Variants in API5 observed in about 807,000 individuals in gnomAD.
API5 encodes the protein FIF.
API5 carries 6 observed loss-of-function variants against 71.9 expected under a neutral mutation model. The ratio of observed to expected loss-of-function variants is 0.08; its 90% CI spans 0.05 to 0.16. API5 has a LOEUF of 0.16. Ranked by LOEUF, API5 falls within the 10% of genes least tolerant of loss-of-function variation. The pLI, the probability that API5 is intolerant of heterozygous loss-of-function variation, is 1.00. For missense variants in API5, 332 were observed against 612.8 expected, an observed-to-expected ratio of 0.54 and a Z score of 4.84; for synonymous variants, 189 against 221.3, an observed-to-expected ratio of 0.85 and a Z score of 1.30.
intron 1 of API5, among the ~76,000 whole-genome samples, chr11:43,313,954 T>C (rs1021503047): frequency 5.9e-5 from 9 of 152,106 alleles, no homozygotes; most frequent in Non-Finnish European, 7.4e-5. Flanking sequence ...CCAGGCGTGG[T>C]GGCATGCGCC....
rs941942037 is a variant in API5, at chr11:43,344,391, T to C, written c.*1881T>C. The C allele has an allele frequency of 1.3e-5, 2 of 152,658 alleles. No individual in the cohort carries two copies. The highest frequency in any genetic ancestry group is 4.8e-5 in the African/African-American group (2 of 41,458). 9.5% of individuals were successfully genotyped at this position (152,658 alleles called of 1,614,324 possible). A position where few individuals can be genotyped will look rare whatever the true frequency, so the allele number is the denominator to read the frequency against. ...CTTTCCTAAGGCAATAGTGCACAACTTAGGTTATTTTTGCTTCCGAATTTG... is the reference window on the plus strand; with the variant it reads ...CTTTCCTAAGGCAATAGTGCACAACCTAGGTTATTTTTGCTTCCGAATTTG... On this transcript the variant is annotated 3_prime_UTR_variant, in exon 14 of 14. Transcript: ENST00000531273.
intron 9 of API5, among the ~76,000 whole-genome samples, chr11:43,329,569 G>T (rs1385860994): frequency 2.0e-5 from 3 of 152,194 alleles, no homozygotes; most frequent in African/African-American, 7.2e-5. Flanking sequence ...ACAGCTTTTA[G>T]CATGGTGCCT....
In API5 at chr11:43,318,993, G is replaced by A. The variant is rs1590351774; in HGVS notation, c.231+192G>A. The A allele has an allele frequency of 6.1e-6, 3 of 490,844 alleles. No individual in the cohort carries two copies. In the East Asian group the frequency reaches 9.6e-5, roughly 16 times the overall value. The allele number at this position is 490,844 out of a possible 1,614,324, so 30.4% of individuals were successfully genotyped here. On this transcript the variant is annotated intron_variant, in intron 2 of 13. Coordinates refer to ENST00000531273, the MANE Select transcript of API5 (RefSeq NM_001142930.2). The stretch of plus-strand genomic sequence containing the variant: ...GCCTTTTTCAACACCTTTAAATTAT[G>A]AAAAATGCATAGAATCTCAAAATAC...
intron 4 of API5, 76 bp from the exon 5 acceptor site, chr11:43,321,909 T>C (rs181720805): frequency 8.3e-5 from 115 of 1,388,946 alleles, no homozygotes; most frequent in Admixed American, 1.4e-4. Context: ...GAAGAAATAC[T>C]ATAAATTGAG....
intron 1 of API5, among the ~76,000 whole-genome samples, chr11:43,317,836 C>T (rs1477304369): frequency 1.3e-5 from 2 of 151,936 alleles, no homozygotes; most frequent in African/African-American, 4.8e-5. Flanking sequence ...TGCCACCACA[C>T]CCAGTTAATT....
At chr11:43,330,417 A>G in intron 10 of API5, 91 bp from the exon 11 acceptor site, 1 of 928,826 alleles carries the variant, frequency 1.1e-6, no homozygotes, top group South Asian at 1.4e-5. Context: ...TGATTCTGAT[A>G]GAAGTGTAAT....
intron 11 of API5, among the ~76,000 whole-genome samples, chr11:43,333,727 A>C (rs183051730): frequency 1.3e-4 from 20 of 152,154 alleles, no homozygotes; most frequent in African/African-American, 4.6e-4. Context: ...AGTGGTCTCT[A>C]TCTCCCTCAT....
At chr11:43,342,061 C>T (rs1326780314) in intron 13 of API5, among the ~76,000 whole-genome samples, 1 of 152,056 alleles carries the variant, frequency 6.6e-6, no homozygotes, top group African/African-American at 2.4e-5. Context: ...AGAAAGATCA[C>T]TCTAGTCCAG....
At chr11:43,338,105 A>T (rs1404584454) in intron 13 of API5, among the ~76,000 whole-genome samples, 1 of 152,216 alleles carries the variant, frequency 6.6e-6, no homozygotes, top group Non-Finnish European at 1.5e-5. Context: ...GCAAAAGCAA[A>T]CTAAAATCTG....
intron 13 of API5, among the ~76,000 whole-genome samples, chr11:43,337,655 A>G (rs1159079278): frequency 6.6e-6 from 1 of 152,214 alleles, no homozygotes; most frequent in Admixed American, 6.5e-5. Context: ...GTAAGGGGAA[A>G]GGATTCTCCG....
At position 43,312,030 on chromosome 11, in the gene API5, G is replaced by GT; in HGVS notation, c.-97dup. Reference sequence around the variant, plus strand: ...GGCTGCACTGGCGGCAGCTGGAGGTGTAATAGTGCGGGTAGTGGGTTTGGA... The same window carrying GT: ...GGCTGCACTGGCGGCAGCTGGAGGTGTTAATAGTGCGGGTAGTGGGTTTGGA... On this transcript the variant is annotated 5_prime_UTR_variant, in exon 1 of 14. Coordinates refer to ENST00000531273, the MANE Select transcript of API5 (RefSeq NM_001142930.2). The GT allele has an allele frequency of 1.5e-6, 2 of 1,372,026 alleles. No homozygotes were observed. Among genetic ancestry groups the GT allele is most frequent in the African/African-American group, 1.4e-5 (1 of 70,146 alleles). 85.0% of individuals were successfully genotyped at this position (1,372,026 alleles called of 1,614,324 possible).
intron 1 of API5, among the ~76,000 whole-genome samples, chr11:43,313,617 G>A (rs1854568888): frequency 6.6e-6 from 1 of 151,850 alleles, no homozygotes; most frequent in South Asian, 2.1e-4. Context: ...GAGATTTATT[G>A]TAGCTTAATC....
chr11:43,320,721 A>T (rs1854850296), intron 2 of API5, 100 bp from the exon 3 acceptor site: 5 of 1,039,756 alleles, frequency 4.8e-6, no homozygotes, highest in Non-Finnish European at 7.2e-6. Flanking sequence ...ACAGAGCAAT[A>T]CCTTGTCTTT....
chr11:43,337,238 G>A (rs949629435), intron 13 of API5, among the ~76,000 whole-genome samples: 49 of 152,060 alleles, frequency 3.2e-4, no homozygotes, highest in African/African-American at 1.1e-3. Context: ...GAGGCAGGAG[G>A]ATTGCTGAAG....
Position 43,312,088 on chromosome 11 carries a change from A to G in API5, c.-40A>G, listed in dbSNP as rs1388250341. ...CGAGGCGGCGGTGGCGCCGGTCAGG[A>G]CAAGGATAGCGGAACCGGGCCCTGG... On this transcript the variant is annotated 5_prime_UTR_variant, in exon 1 of 14. Transcript: ENST00000531273. The G allele has an allele frequency of 1.9e-6, 3 of 1,610,972 alleles. No individual in the cohort carries two copies. The highest frequency in any genetic ancestry group is 2.2e-5 in the East Asian group (1 of 44,846).
intron 3 of API5, among the ~76,000 whole-genome samples, chr11:43,321,160 T>G (rs1370413246): frequency 6.6e-6 from 1 of 152,216 alleles, no homozygotes; most frequent in South Asian, 2.1e-4. Flanking sequence ...CATTTTGATA[T>G]ATCATAATTT....
rs564738470 is a variant in API5, at chr11:43,335,883, A to C, written c.1381A>C (p.Thr461Pro). 1.2e-6 allele frequency: 2 copies of C among 1,612,298 alleles called. No homozygotes were observed. The highest frequency in any genetic ancestry group is 1.3e-5 in the African/African-American group (1 of 74,968). Residue 461 changes from threonine to proline, a missense_variant, in exon 13 of 14, where the codon ACT becomes CCT. Transcript: ENST00000531273. The stretch of plus-strand genomic sequence containing the variant: ...GCAAAAGAGAGCCAGTGAAGATACA[A>C]CTTCAGGTTCACCACCCAAGAAATC... ...IGQKRASEDT[T>P]SGSPPKKSSA... is the part of the protein sequence containing the mutation.
chr11:43,316,382 A>G (rs907723705), intron 1 of API5, among the ~76,000 whole-genome samples: 2 of 61,542 alleles, frequency 3.2e-5, no homozygotes, highest in Non-Finnish European at 6.2e-5. Context: ...TTTTGTTTTA[A>G]GCAGGGTTTT....
intron 1 of API5, among the ~76,000 whole-genome samples, chr11:43,316,891 A>T (rs1381533869): frequency 6.6e-6 from 1 of 152,102 alleles, no homozygotes; most frequent in Non-Finnish European, 1.5e-5. Context: ...ACTCCTGAAG[A>T]CTCATATATC....
Sources: allele counts gnomAD v4.1 joint callset (sites outside exome capture counted in the v4.1 genomes callset), GRCh38; gene constraint gnomAD v4.1.1; transcripts MANE v1.5; gene names NCBI Gene and HGNC (gene_info 2026-07-23, HGNC 2026-07-21).